L3MBTL4: variants seen among roughly 807,000 people sequenced by gnomAD.
L3MBTL4 encodes L3MBTL histone methyl-lysine binding protein 4, also known as lethal(3)malignant brain tumor-like protein 4.
L3MBTL4 carries 70 observed loss-of-function variants against 84.5 expected under a neutral mutation model. The ratio of observed to expected loss-of-function variants is 0.83; its 90% CI spans 0.68 to 1.01. L3MBTL4 has a LOEUF of 1.01. Ranked by LOEUF, L3MBTL4 falls within the 50% of genes least tolerant of loss-of-function variation. The pLI is 0.00. For synonymous variants in L3MBTL4, 274 were observed against 259.8 expected (o/e 1.05, Z -0.52); for missense variants, 715 against 754.8 (o/e 0.95, Z 0.62).
At chr18:5,995,308 C>T (rs544037975) in intron 16 of L3MBTL4, among the ~76,000 whole-genome samples, 3 of 152,348 alleles carry the variant, frequency 2.0e-5, no homozygotes, top group South Asian at 2.1e-4. Context: ...TGCATGGTGA[C>T]GGTGACAGTG....
intron 16 of L3MBTL4, among the ~76,000 whole-genome samples, chr18:5,973,851 T>C (rs1326923333): frequency 1.3e-5 from 2 of 152,186 alleles, no homozygotes; most frequent in Non-Finnish European, 2.9e-5. Context: ...TTGCACGACC[T>C]CATTGCCGTC....
intron 14 of L3MBTL4, among the ~76,000 whole-genome samples, chr18:6,123,543 C>T (rs1023757728): frequency 3.3e-5 from 5 of 152,126 alleles, no homozygotes; most frequent in African/African-American, 7.2e-5. Flanking sequence ...CTTTGCTACT[C>T]CTTCGCCTTC....
intron 13 of L3MBTL4, among the ~76,000 whole-genome samples, chr18:6,148,790 A>T (rs2042762104): frequency 6.6e-6 from 1 of 152,052 alleles, no homozygotes; most frequent in Non-Finnish European, 1.5e-5. Flanking sequence ...TACACAAAAA[A>T]ATGTTTTACA....
chr18:6,239,677 CAT>C, intron 9 of L3MBTL4, 39 bp downstream of exon 9: 18 of 1,591,398 alleles, frequency 1.1e-5, no homozygotes, highest in Non-Finnish European at 1.5e-5. Flanking sequence ...TAACATCAAA[CAT>C]ATGAATACAC....
At chr18:6,197,651 G>T (rs1221216176) in intron 12 of L3MBTL4, among the ~76,000 whole-genome samples, 1 of 152,108 alleles carries the variant, frequency 6.6e-6, no homozygotes, top group Non-Finnish European at 1.5e-5. Flanking sequence ...TGCTAACCAG[G>T]TCCCTACTTG....
At chr18:6,305,115 A>G (rs1365864570) in intron 3 of L3MBTL4, among the ~76,000 whole-genome samples, 4 of 152,240 alleles carry the variant, frequency 2.6e-5, no homozygotes, top group Admixed American at 6.5e-5. Context: ...TATACACACG[A>G]AAGATTATAT....
intron 10 of L3MBTL4, among the ~76,000 whole-genome samples, chr18:6,234,507 A>G (rs1215352268): frequency 2.6e-5 from 4 of 152,308 alleles, no homozygotes; most frequent in East Asian, 3.9e-4. Context: ...GTGGGCAAAG[A>G]ATATGAACAG....
intron 1 of L3MBTL4, among the ~76,000 whole-genome samples, chr18:6,320,112 C>T (rs1239273654): frequency 6.6e-6 from 1 of 151,788 alleles, no homozygotes; most frequent in Non-Finnish European, 1.5e-5. Flanking sequence ...TGATAAAAAA[C>T]CCTCAACAAA....
At chr18:5,988,423 T>A (rs2053555973) in intron 16 of L3MBTL4, among the ~76,000 whole-genome samples, 1 of 152,234 alleles carries the variant, frequency 6.6e-6, no homozygotes, top group African/African-American at 2.4e-5. Flanking sequence ...TTTGTTTTTT[T>A]AAATAGAAAA....
chr18:6,248,784 C>T (rs2047797562), intron 5 of L3MBTL4, among the ~76,000 whole-genome samples: 1 of 152,192 alleles, frequency 6.6e-6, no homozygotes. Flanking sequence ...TACTCTTTTT[C>T]ACAGCTGCAT....
At chr18:6,083,107 A>T (rs2058135029) in intron 15 of L3MBTL4, among the ~76,000 whole-genome samples, 1 of 152,202 alleles carries the variant, frequency 6.6e-6, no homozygotes, top group African/African-American at 2.4e-5. Context: ...ATGAAGTCCA[A>T]TCTCAAGTCT....
intron 16 of L3MBTL4, among the ~76,000 whole-genome samples, chr18:6,037,616 G>T (rs1259223801): frequency 1.3e-5 from 2 of 152,234 alleles, no homozygotes; most frequent in Non-Finnish European, 2.9e-5. Context: ...CTTGATTTCT[G>T]TAAATCTCGG....
At chr18:6,274,461 T>C (rs2048999403) in intron 4 of L3MBTL4, among the ~76,000 whole-genome samples, 1 of 152,194 alleles carries the variant, frequency 6.6e-6, no homozygotes, top group African/African-American at 2.4e-5. Flanking sequence ...TCCCCAAACA[T>C]GCATTTTTGC....
intron 14 of L3MBTL4, among the ~76,000 whole-genome samples, chr18:6,121,685 CGTGTGTGTGT>C (rs762077935): frequency 2.8e-5 from 4 of 142,926 alleles, no homozygotes; most frequent in East Asian, 2.1e-4. Context: ...ATTGTTTCCC[CGTGTGTGTGT>C]GTGTGTGTGT....
At chr18:6,102,900 A>G (rs16949425) in intron 14 of L3MBTL4, among the ~76,000 whole-genome samples, 3 of 152,108 alleles carry the variant, frequency 2.0e-5, no homozygotes, top group Admixed American at 2.0e-4. Flanking sequence ...CAAACTAGAC[A>G]GGAAGGAAAA....
chr18:6,141,438 C>T (rs536212556), intron 13 of L3MBTL4, among the ~76,000 whole-genome samples: 1 of 152,274 alleles, frequency 6.6e-6, no homozygotes, highest in South Asian at 2.1e-4. Flanking sequence ...CACCTTTCCA[C>T]TTGATGTCTC....
intron 16 of L3MBTL4, chr18:6,030,613 C>T (rs57556656): frequency 1.9e-5 from 15 of 792,340 alleles, no homozygotes; most frequent in Non-Finnish European, 2.3e-5. Context: ...ATTCTCTCGC[C>T]TCAGCTTCCT....
At chr18:6,293,293 A>G (rs981327507) in intron 4 of L3MBTL4, among the ~76,000 whole-genome samples, 5 of 152,158 alleles carry the variant, frequency 3.3e-5, no homozygotes, top group Non-Finnish European at 7.3e-5. Context: ...AGCTCTTTAG[A>G]GAAATGACTG....
chr18:6,350,933 T>C (rs1263706215), intron 1 of L3MBTL4, among the ~76,000 whole-genome samples: 1 of 152,252 alleles, frequency 6.6e-6, no homozygotes, highest in East Asian at 1.9e-4. Context: ...GGCTCATGCC[T>C]GAAATCCCAG....
Sources: allele counts gnomAD v4.1 joint callset (sites outside exome capture counted in the v4.1 genomes callset), GRCh38; gene constraint gnomAD v4.1.1; transcripts MANE v1.5; gene names NCBI Gene and HGNC (gene_info 2026-07-23, HGNC 2026-07-21).